Variants in RAPGEF2 observed in about 807,000 individuals in gnomAD.
The protein encoded by RAPGEF2 is Rap guanine nucleotide exchange factor 2, also known as PDZ domain containing guanine nucleotide exchange factor (GEF) 1.
In RAPGEF2, 54 loss-of-function variants were observed where a neutral mutation model predicts 186.7. The ratio of observed to expected loss-of-function variants is 0.29; its 90% CI spans 0.23 to 0.36. The LOEUF (loss-of-function observed/expected upper bound fraction) is 0.36, where lower values mean the gene tolerates loss of function less well. Ranked by LOEUF, RAPGEF2 falls within the 10% of genes least tolerant of loss-of-function variation. RAPGEF2 has a pLI of 1.00. For missense variants in RAPGEF2, 1,532 were observed against 2,045.0 expected (o/e 0.75, Z 4.84); for synonymous variants, 712 against 705.9 (o/e 1.01, Z -0.14).
At chr4:159,327,465 C>T (rs2111182890) in intron 11 of RAPGEF2, 1 of 152,316 alleles carries the variant, frequency 6.6e-6, no homozygotes, top group South Asian at 2.1e-4. Context: ...AGTTCGAGAC[C>T]AGCCTGGTGA....
At chr4:159,164,144 A>G (rs937603201) in intron 1 of RAPGEF2, among the ~76,000 whole-genome samples, 7 of 151,842 alleles carry the variant, frequency 4.6e-5, no homozygotes, top group Admixed American at 2.6e-4. Context: ...AGCTGGGACT[A>G]CAGGCGCCCA....
chr4:159,219,893 A>G (rs1751370116), intron 4 of RAPGEF2, among the ~76,000 whole-genome samples: 1 of 152,214 alleles, frequency 6.6e-6, no homozygotes, highest in Non-Finnish European at 1.5e-5. Flanking sequence ...TGTCCTACAA[A>G]TATTATTGAT....
intron 7 of RAPGEF2, among the ~76,000 whole-genome samples, chr4:159,292,871 A>G (rs1251936907): frequency 2.0e-5 from 3 of 152,186 alleles, no homozygotes; most frequent in Admixed American, 6.5e-5. Context: ...AGGGCACTGA[A>G]CAACTCCATA....
intron 1 of RAPGEF2, among the ~76,000 whole-genome samples, chr4:159,154,499 C>A (rs1743904081): frequency 7.3e-6 from 1 of 136,200 alleles, no homozygotes; most frequent in Non-Finnish European, 1.5e-5. Flanking sequence ...CTTCCACTCA[C>A]ATCACCTTTT....
At chr4:159,327,958 A>G (rs1182891089) in intron 11 of RAPGEF2, 4 of 152,086 alleles carry the variant, frequency 2.6e-5, no homozygotes, top group Non-Finnish European at 5.9e-5. Context: ...AATGTATTCT[A>G]ATTTAAAAAA....
intron 4 of RAPGEF2, among the ~76,000 whole-genome samples, chr4:159,219,568 G>A (rs1357624412): frequency 1.3e-5 from 2 of 151,976 alleles, no homozygotes; most frequent in Non-Finnish European, 2.9e-5. Flanking sequence ...TGTTAGCCAG[G>A]ATGGTCTTGA....
chr4:159,238,896 T>C lies in RAPGEF2; in HGVS notation c.357+12T>C, dbSNP rs1371730459. 9 of 1,470,954 alleles carry C rather than the reference T, an allele frequency of 6.1e-6. No individual in the cohort carries two copies. In the East Asian group the frequency reaches 2.0e-4, roughly 33 times the overall value. 91.1% of individuals were successfully genotyped at this position (1,470,954 alleles called of 1,614,324 possible). On this transcript the variant is annotated intron_variant, in intron 5 of 29. Transcript: ENST00000691494. Reference sequence around the variant, plus strand: ...CTGAAATGATTGTGGTAAGAGTATTTCTGTGAGGACTATTTTTCCCCTAAA... The same window carrying C: ...CTGAAATGATTGTGGTAAGAGTATTCCTGTGAGGACTATTTTTCCCCTAAA...
intron 1 of RAPGEF2, among the ~76,000 whole-genome samples, chr4:159,125,616 G>T (rs1172865126): frequency 1.3e-5 from 2 of 151,980 alleles, no homozygotes; most frequent in Non-Finnish European, 2.9e-5. Flanking sequence ...AATTTAGCCG[G>T]GCATGGTGGC....
chr4:159,336,416 C>T (rs1342310923), intron 17 of RAPGEF2, among the ~76,000 whole-genome samples: 2 of 152,152 alleles, frequency 1.3e-5, no homozygotes, highest in Non-Finnish European at 2.9e-5. Flanking sequence ...TAAGTGAGAA[C>T]ATAGGGATTT....
At chr4:159,256,801 G>T (rs1756220485) in intron 7 of RAPGEF2, among the ~76,000 whole-genome samples, 1 of 152,152 alleles carries the variant, frequency 6.6e-6, no homozygotes, top group Non-Finnish European at 1.5e-5. Flanking sequence ...GATCAGTGAT[G>T]TTTGAGTTTT....
chr4:159,239,629 T>G (rs762797485), intron 5 of RAPGEF2, among the ~76,000 whole-genome samples: 1 of 152,216 alleles, frequency 6.6e-6, no homozygotes, highest in Non-Finnish European at 1.5e-5. Flanking sequence ...CTGTCATACT[T>G]TTTACTTACT....
intron 4 of RAPGEF2, among the ~76,000 whole-genome samples, chr4:159,230,830 C>T (rs1019556841): frequency 6.6e-6 from 1 of 152,100 alleles, no homozygotes; most frequent in Admixed American, 6.6e-5. Flanking sequence ...GTGTACTTGT[C>T]ATCCATGGAA....
chr4:159,229,833 T>C (rs1335665413), intron 4 of RAPGEF2, among the ~76,000 whole-genome samples: 1 of 152,236 alleles, frequency 6.6e-6, no homozygotes, highest in Non-Finnish European at 1.5e-5. Context: ...GAGGGAGTAC[T>C]AGCATTTAGG....
chr4:159,192,282 G>A (rs1202258150), intron 2 of RAPGEF2, among the ~76,000 whole-genome samples: 6 of 152,114 alleles, frequency 3.9e-5, no homozygotes, highest in Admixed American at 3.3e-4. Flanking sequence ...TCTAAAGTAC[G>A]GTGGTGGGAA....
chr4:159,142,221 T>C (rs1469405379), intron 1 of RAPGEF2, among the ~76,000 whole-genome samples: 1 of 152,248 alleles, frequency 6.6e-6, no homozygotes, highest in Non-Finnish European at 1.5e-5. Context: ...AAAATGTCTT[T>C]ATTCTTTCTT....
At chr4:159,294,172 G>A (rs899608502) in intron 7 of RAPGEF2, among the ~76,000 whole-genome samples, 4 of 152,214 alleles carry the variant, frequency 2.6e-5, no homozygotes, top group Non-Finnish European at 5.9e-5. Flanking sequence ...TCTGTGTAAG[G>A]CCTCCTTCCC....
At chr4:159,219,455 A>G (rs553333143) in intron 4 of RAPGEF2, among the ~76,000 whole-genome samples, 3 of 141,682 alleles carry the variant, frequency 2.1e-5, no homozygotes, top group African/African-American at 8.0e-5. Flanking sequence ...TCCCGGGTTC[A>G]CGCCATTCTC....
intron 1 of RAPGEF2, among the ~76,000 whole-genome samples, chr4:159,141,416 C>T (rs1401425960): frequency 3.9e-5 from 6 of 151,996 alleles, no homozygotes; most frequent in Non-Finnish European, 8.8e-5. Context: ...TTTATCTTAG[C>T]AGTCCCGAAG....
At chr4:159,158,176 A>G (rs1744329449) in intron 1 of RAPGEF2, among the ~76,000 whole-genome samples, 1 of 152,232 alleles carries the variant, frequency 6.6e-6, no homozygotes, top group Non-Finnish European at 1.5e-5. Context: ...TGCCAAAAGT[A>G]AAAAGAGGCA....
Sources: gnomAD v4.1 joint callset for allele counts (sites outside exome capture counted in the v4.1 genomes callset) on GRCh38, gnomAD v4.1.1 for gene constraint, MANE v1.5 for transcripts, NCBI Gene and HGNC (gene_info 2026-07-23, HGNC 2026-07-21) for gene names.